Variants in GLS2 observed in about 807,000 individuals in gnomAD.
The protein encoded by GLS2 is glutaminase liver isoform, mitochondrial.
Under a neutral mutation model 79.0 loss-of-function variants are expected in GLS2, and 52 were observed. That is an observed-to-expected ratio of 0.66 (90% CI 0.53 to 0.83). GLS2 has a LOEUF of 0.83. Among genes scored for constraint, GLS2 ranks in the 40% least tolerant of loss-of-function variants. The pLI, the probability that GLS2 is intolerant of heterozygous loss-of-function variation, is 0.00. For synonymous variants in GLS2, 238 were observed against 280.8 expected, an observed-to-expected ratio of 0.85 and a Z score of 1.52; for missense variants, 561 against 764.8, an observed-to-expected ratio of 0.73 and a Z score of 3.14.
At chr12:56,480,184 C>T in intron 2 of GLS2, 104 bp downstream of exon 2, 1 of 979,356 alleles carries the variant, frequency 1.0e-6, no homozygotes, top group Non-Finnish European at 1.6e-6. Context: ...GCTTCACCCT[C>T]ATGTAGCAAC....
At chr12:56,481,943 C>T (rs1302054974) in intron 1 of GLS2, among the ~76,000 whole-genome samples, 1 of 143,706 alleles carries the variant, frequency 7.0e-6, no homozygotes, top group Admixed American at 6.9e-5. Flanking sequence ...TTAAAACCTG[C>T]CAATTGGCCG....
rs763817843 is a variant in GLS2 at position 56,477,665 on chromosome 12, T to A, written c.832A>T (p.Ile278Phe). 1.2e-6 allele frequency: 2 copies of A among 1,613,332 alleles called. No homozygotes were observed. The highest frequency in any genetic ancestry group is 1.7e-6 in the Non-Finnish European group (2 of 1,179,694). ...NAGAIVVSSL[I>F]KMDCNKAEKF... ...AAGGTTAAGGTGGCACTGACCTTGA[T>A]CAGGGAGCTGACAACAATGGCACCA... is the stretch of plus-strand genomic sequence containing the variant. Residue 278 changes from isoleucine (I) to phenylalanine (F), a missense_variant, in exon 7 of 18, where the codon ATC becomes TTC. Around this residue, in one of 4 missense-constraint regions of GLS2, gnomAD observed 221 missense variants for 275.6 expected, o/e 0.80. Coordinates refer to ENST00000311966, the MANE Select transcript of GLS2 (RefSeq NM_013267.4).
rs772757856 is a variant in GLS2 at position 56,488,135 on chromosome 12, G to A, written c.-17C>T. On this transcript the variant is annotated 5_prime_UTR_variant, in exon 1 of 18. Coordinates refer to ENST00000311966, the MANE Select transcript of GLS2 (RefSeq NM_013267.4). Reference sequence around the variant, plus strand: ...GGAGCGCATGCCCCAGCAAGCCTCCGGCTCTGCAGGTGCGCCCGGGACCTC... The same window carrying A: ...GGAGCGCATGCCCCAGCAAGCCTCCAGCTCTGCAGGTGCGCCCGGGACCTC... 7 of 1,521,096 alleles carry A rather than the reference G, an allele frequency of 4.6e-6. No individual in the cohort carries two copies. The South Asian group carries it at 7.3e-5, about 16-fold the overall frequency. 94.2% of individuals were successfully genotyped at this position (1,521,096 alleles called of 1,614,324 possible).
Position 56,471,455 on chromosome 12 carries a change from T to C in GLS2, c.*32A>G. 1 of 1,584,160 alleles carries C rather than the reference T, an allele frequency of 6.3e-7. No individual in the cohort carries two copies. Among genetic ancestry groups the C allele is most frequent in the South Asian group, 1.2e-5 (1 of 86,694 alleles). On this transcript the variant is annotated 3_prime_UTR_variant, in exon 18 of 18. Coordinates refer to ENST00000311966, the MANE Select transcript of GLS2 (RefSeq NM_013267.4). ...TTACATGTGTGGCCAGCTCATGCTT[T>C]TTCTTGAGCAGGGGCTGTCCATGAC...
chr12:56,472,772 A>G (rs769116572), intron 14 of GLS2, 21 bp from the exon 15 acceptor site: 1 of 1,612,206 alleles, frequency 6.2e-7, no homozygotes, highest in South Asian at 1.1e-5. Context: ...AATCATACCC[A>G]CATGACATTA....
intron 1 of GLS2, among the ~76,000 whole-genome samples, chr12:56,482,647 T>A (rs762220741): frequency 5.9e-5 from 9 of 152,254 alleles, no homozygotes; most frequent in Non-Finnish European, 1.5e-5. Flanking sequence ...GTTGTATTGC[T>A]AGCAAGGTCC....
intron 1 of GLS2, among the ~76,000 whole-genome samples, chr12:56,484,541 G>A (rs1252553020): frequency 6.6e-6 from 1 of 152,158 alleles, no homozygotes. Flanking sequence ...GGGAAATCCG[G>A]TTGTCACAAT....
chr12:56,472,960 GCTCACTGCAACCT>G (rs1339622648), intron 14 of GLS2: 4 of 584,794 alleles, frequency 6.8e-6, no homozygotes, highest in Non-Finnish European at 5.9e-6. Flanking sequence ...CGCGGTCTTG[GCTCACTGCAACCT>G]CTGCCTCCCG....
intron 4 of GLS2, chr12:56,478,550 A>C (rs956406934): frequency 3.9e-5 from 16 of 414,110 alleles, no homozygotes; most frequent in Admixed American, 7.7e-5. Context: ...CAGTTACCCT[A>C]TAAATCCCTT....
chr12:56,472,993 G>A (rs913256026), intron 14 of GLS2: 14 of 576,818 alleles, frequency 2.4e-5, no homozygotes, highest in East Asian at 6.2e-5. Context: ...GGTTTCAAGC[G>A]ATTCTCCTGC....
chr12:56,487,823 G>T, intron 1 of GLS2, 114 bp downstream of exon 1: 3 of 1,226,590 alleles, frequency 2.4e-6, no homozygotes, highest in African/African-American at 1.6e-5. Context: ...GAGGGCTAGT[G>T]AGCGAGGAGA....
In GLS2 at chr12:56,479,764, T is replaced by C; in HGVS notation, c.404+16A>G. The C allele has an allele frequency of 6.3e-6, 10 of 1,590,132 alleles. No homozygotes were observed. Among genetic ancestry groups the C allele is most frequent in the Non-Finnish European group, 7.7e-6 (9 of 1,164,236 alleles). ...CAGTTTTCAGAGAGCAGTGCCCTTG[T>C]TTCTGGGGCCCTCACTTTCGGAAGA... On this transcript the variant is annotated intron_variant, in intron 3 of 17. Transcript: ENST00000311966.
At chr12:56,487,829 G>T in intron 1 of GLS2, 108 bp downstream of exon 1, 1 of 1,262,166 alleles carries the variant, frequency 7.9e-7, no homozygotes, top group Non-Finnish European at 1.1e-6. Flanking sequence ...TAGTGAGCGA[G>T]GAGAGGGGAG....
intron 15 of GLS2, chr12:56,472,404 A>G: frequency 1.6e-6 from 1 of 608,692 alleles, no homozygotes; most frequent in Non-Finnish European, 2.9e-6. Flanking sequence ...TTCCAGAAAT[A>G]TCACTCACTG....
chr12:56,483,298 C>A (rs1227766059), intron 1 of GLS2, among the ~76,000 whole-genome samples: 1 of 151,862 alleles, frequency 6.6e-6, no homozygotes, highest in Non-Finnish European at 1.5e-5. Flanking sequence ...CCAGGCTGGT[C>A]TCGAACTCCT....
In GLS2 at chr12:56,471,435, T is replaced by G; in HGVS notation, c.*52A>C. The G allele has an allele frequency of 6.4e-7, 1 of 1,556,440 alleles. No individual in the cohort carries two copies. Among genetic ancestry groups the G allele is most frequent in the African/African-American group, 1.4e-5 (1 of 73,668 alleles). ...GTATTTTTGGTGGTTATGGATTACA[T>G]GTGTGGCCAGCTCATGCTTTTTCTT... On this transcript the variant is annotated 3_prime_UTR_variant, in exon 18 of 18. Coordinates refer to ENST00000311966, the MANE Select transcript of GLS2 (RefSeq NM_013267.4).
At position 56,480,302 on chromosome 12, in the gene GLS2, G is replaced by A. The variant is rs1870178737; in HGVS notation, c.268C>T (p.His90Tyr). Reference sequence around the variant, plus strand: ...GGGCAACTTACAGTGGTGAACTTGTGGATAGGGATTCGTTCCTGTCCTTCA... The same window carrying A: ...GGGCAACTTACAGTGGTGAACTTGTAGATAGGGATTCGTTCCTGTCCTTCA... Reference protein sequence around the residue: ...IAEGQERIPIHKFTTALKATG... With the variant: ...IAEGQERIPIYKFTTALKATG... Residue 90 changes from histidine to tyrosine, a missense_variant, in exon 2 of 18, where the codon CAC becomes TAC. By Grantham distance (83) the His-to-Tyr change is moderately conservative (BLOSUM62 2). Transcript: ENST00000311966. 1 of 1,613,990 alleles carries A rather than the reference G, an allele frequency of 6.2e-7. No individual in the cohort carries two copies. The highest frequency in any genetic ancestry group is 8.5e-7 in the Non-Finnish European group (1 of 1,179,858).
At position 56,478,061 on chromosome 12, in the gene GLS2, A is replaced by C; in HGVS notation, c.650T>G (p.Leu217Arg). ...SVGHTKIPFC[L>R]QSCVKPLTYA... ...GGTGAGGGGCTTCACACAGGACTGC[A>C]GGCAGAAGGGGATCTTTGTGTGGCC... Residue 217 changes from leucine (L) to arginine (R), a missense_variant, in exon 6 of 18, where the codon CTG becomes CGG. Coordinates refer to ENST00000311966, the MANE Select transcript of GLS2 (RefSeq NM_013267.4). The C allele has an allele frequency of 1.2e-6, 2 of 1,614,202 alleles. No individual in the cohort carries two copies. The highest frequency in any genetic ancestry group is 2.2e-5 in the South Asian group (2 of 91,086).
chr12:56,487,270 C>T (rs540838220), intron 1 of GLS2, among the ~76,000 whole-genome samples: 3 of 152,264 alleles, frequency 2.0e-5, no homozygotes, highest in South Asian at 2.1e-4. Flanking sequence ...AGGAAGAGAA[C>T]GTTTTAGATT....
Sources: allele counts gnomAD v4.1 joint callset (sites outside exome capture counted in the v4.1 genomes callset), GRCh38; gene constraint gnomAD v4.1.1; regional missense constraint gnomAD v4.1.1; transcripts MANE v1.5; gene names NCBI Gene and HGNC (gene_info 2026-07-23, HGNC 2026-07-21).